OPCML: variants seen among roughly 807,000 people sequenced by gnomAD.
The protein encoded by OPCML is opioid-binding protein/cell adhesion molecule.
A neutral mutation model predicts 37.8 loss-of-function variants in OPCML; 13 were observed. That is an observed-to-expected ratio of 0.34 (90% CI 0.22 to 0.55). OPCML has a LOEUF of 0.55. Ranked by LOEUF, OPCML falls within the 20% of genes least tolerant of loss-of-function variation. The pLI is 0.91. For synonymous variants in OPCML, 176 were observed against 168.8 expected (o/e 1.04, Z -0.33); for missense variants, 341 against 435.6 (o/e 0.78, Z 1.93).
chr11:132,525,507 C>T (rs558111016), intron 4 of OPCML, among the ~76,000 whole-genome samples: 1 of 152,238 alleles, frequency 6.6e-6, no homozygotes, highest in South Asian at 2.1e-4. Context: ...TCTTATTCTT[C>T]CATGTTGAAT....
At chr11:133,204,212 A>G (rs951229256) in intron 1 of OPCML, among the ~76,000 whole-genome samples, 1 of 152,150 alleles carries the variant, frequency 6.6e-6, no homozygotes, top group Non-Finnish European at 1.5e-5. Context: ...AGCCAAGTTT[A>G]TTGTTATCTG....
chr11:133,200,265 G>A (rs1407994624), intron 1 of OPCML, among the ~76,000 whole-genome samples: 2 of 152,180 alleles, frequency 1.3e-5, no homozygotes. Flanking sequence ...GCAGAGATTG[G>A]CACACTGATT....
chr11:132,783,146 C>A (rs2136157202), intron 2 of OPCML, among the ~76,000 whole-genome samples: 1 of 152,102 alleles, frequency 6.6e-6, no homozygotes, highest in African/African-American at 2.4e-5. Context: ...TCCCTACAGT[C>A]TCTTTCCTTT....
At chr11:133,218,994 CTTAGCATA>C (rs1939703268) in intron 1 of OPCML, among the ~76,000 whole-genome samples, 1 of 152,146 alleles carries the variant, frequency 6.6e-6, no homozygotes, top group Non-Finnish European at 1.5e-5. Flanking sequence ...ATTTTGATAC[CTTAGCATA>C]TTGCCTTAAA....
At position 132,935,276 on chromosome 11, in the gene OPCML, G is replaced by A. The variant is rs187273478; in HGVS notation, c.146+7650C>T. ...TTCCATATTATCTTCTTCTAATTACGCCTACTTTTCTTCAGCATTGGCATT... is the reference window on the plus strand; with the variant it reads ...TTCCATATTATCTTCTTCTAATTACACCTACTTTTCTTCAGCATTGGCATT... On this transcript the variant is annotated intron_variant, in intron 2 of 7. Coordinates refer to ENST00000524381, the MANE Select transcript of OPCML (RefSeq NM_001012393.5). 1.1e-3 allele frequency among the ~76,000 whole-genome samples: 162 copies of A among 152,024 alleles called. 1 individual carries two copies. Among genetic ancestry groups the A allele is most frequent in the African/African-American group, 3.7e-3 (152 of 41,472 alleles).
chr11:132,925,269 T>TA (rs923228971), intron 2 of OPCML, among the ~76,000 whole-genome samples: 1 of 152,228 alleles, frequency 6.6e-6, no homozygotes, highest in Non-Finnish European at 1.5e-5. Flanking sequence ...ATCTGAGTCT[T>TA]ATGCTGATGT....
intron 1 of OPCML, among the ~76,000 whole-genome samples, chr11:133,343,099 G>A (rs756524557): frequency 8.5e-5 from 13 of 152,078 alleles, no homozygotes; most frequent in Non-Finnish European, 1.8e-4. Context: ...AAATCACTGG[G>A]ATTACAGGCA....
intron 1 of OPCML, among the ~76,000 whole-genome samples, chr11:133,464,878 G>A (rs1408512065): frequency 1.3e-5 from 2 of 152,114 alleles, no homozygotes; most frequent in South Asian, 2.1e-4. Context: ...TAGAGGGTAA[G>A]GCAGGCCTTG....
At chr11:133,501,229 C>T (rs184473763) in intron 1 of OPCML, among the ~76,000 whole-genome samples, 5 of 152,290 alleles carry the variant, frequency 3.3e-5, no homozygotes, top group South Asian at 2.1e-4. Flanking sequence ...CCACAGGCAA[C>T]GCAAACTGTG....
intron 1 of OPCML, among the ~76,000 whole-genome samples, chr11:133,292,098 A>C (rs1405198421): frequency 1.3e-5 from 2 of 152,200 alleles, no homozygotes; most frequent in African/African-American, 4.8e-5. Flanking sequence ...TTCATAATCA[A>C]ACAAAGCCCC....
At chr11:133,444,207 AGAG>A (rs1256619324) in intron 1 of OPCML, among the ~76,000 whole-genome samples, 4 of 152,172 alleles carry the variant, frequency 2.6e-5, no homozygotes, top group African/African-American at 9.7e-5. Flanking sequence ...ATGTTTAAGC[AGAG>A]GAGGACGTAG....
At chr11:132,450,875 TG>T (rs1241572026) in intron 4 of OPCML, among the ~76,000 whole-genome samples, 1 of 151,950 alleles carries the variant, frequency 6.6e-6, no homozygotes, top group East Asian at 1.9e-4. Context: ...AATAATGGGG[TG>T]GGGTTTGATG....
chr11:133,148,363 C>T (rs138622039), intron 1 of OPCML, among the ~76,000 whole-genome samples: 12 of 152,320 alleles, frequency 7.9e-5, no homozygotes, highest in African/African-American at 2.4e-4. Flanking sequence ...TTGGAGGGAA[C>T]GTGCAATCCA....
intron 3 of OPCML, among the ~76,000 whole-genome samples, chr11:132,535,409 A>G (rs1181282936): frequency 6.6e-6 from 1 of 151,896 alleles, no homozygotes; most frequent in Non-Finnish European, 1.5e-5. Context: ...CAGGACCCAG[A>G]CCTCATCTCA....
chr11:133,327,894 G>C (rs563591785), intron 1 of OPCML, among the ~76,000 whole-genome samples: 1 of 152,122 alleles, frequency 6.6e-6, no homozygotes, highest in African/African-American at 2.4e-5. Flanking sequence ...CAAGGTGCTC[G>C]CACTGTAAAT....
intron 1 of OPCML, among the ~76,000 whole-genome samples, chr11:133,405,470 A>G (rs1302473688): frequency 6.6e-6 from 1 of 152,186 alleles, no homozygotes; most frequent in Non-Finnish European, 1.5e-5. Flanking sequence ...TTCTGTTGCC[A>G]TCTGCATTTG....
At chr11:132,950,769 C>T (rs1273038539) in intron 1 of OPCML, among the ~76,000 whole-genome samples, 3 of 152,286 alleles carry the variant, frequency 2.0e-5, no homozygotes, top group South Asian at 4.1e-4. Flanking sequence ...CAGCCAACCC[C>T]GTGAGATGTA....
intron 1 of OPCML, among the ~76,000 whole-genome samples, chr11:133,356,835 C>T (rs962312514): frequency 9.2e-5 from 14 of 152,082 alleles, no homozygotes; most frequent in African/African-American, 1.9e-4. Flanking sequence ...TTTTTAAAAG[C>T]GCGTGTCCAT....
chr11:133,287,216 T>C (rs1231069676), intron 1 of OPCML, among the ~76,000 whole-genome samples: 2 of 151,898 alleles, frequency 1.3e-5, no homozygotes, highest in Non-Finnish European at 2.9e-5. Context: ...TATTTTGAAA[T>C]TTTAATTTAA....
Sources: allele counts gnomAD v4.1 joint callset (sites outside exome capture counted in the v4.1 genomes callset), GRCh38; gene constraint gnomAD v4.1.1; transcripts MANE v1.5; gene names NCBI Gene and HGNC (gene_info 2026-07-23, HGNC 2026-07-21).